CLYBL: variants seen among roughly 807,000 people sequenced by gnomAD.
The protein encoded by CLYBL is citramalyl-CoA lyase, mitochondrial.
A neutral mutation model predicts 38.9 loss-of-function variants in CLYBL; 31 were observed. The observed-to-expected ratio is 0.80, with a 90% CI of 0.60 to 1.08. The LOEUF (loss-of-function observed/expected upper bound fraction) is 1.08. Among genes scored for constraint, CLYBL ranks in the 50% least tolerant of loss-of-function variants. CLYBL has a pLI of 0.00. For missense variants in CLYBL, 434 were observed against 411.6 expected (o/e 1.05, Z -0.47); for synonymous variants, 171 against 158.6 (o/e 1.08, Z -0.59).
chr13:99,860,606 G>A (rs1234021198), intron 3 of CLYBL, among the ~76,000 whole-genome samples: 1 of 152,184 alleles, frequency 6.6e-6, no homozygotes, highest in Non-Finnish European at 1.5e-5. Context: ...ATTTATCACC[G>A]TTATTACCTT....
chr13:99,803,076 G>A (rs957582181), intron 2 of CLYBL, among the ~76,000 whole-genome samples: 29 of 152,124 alleles, frequency 1.9e-4, no homozygotes, highest in African/African-American at 7.0e-4. Flanking sequence ...AAGCAAATCG[G>A]TAACTCATCC....
At chr13:99,898,651 C>T (rs2052609242), downstream of CLYBL, among the ~76,000 whole-genome samples, 1 of 152,194 alleles carries the variant, frequency 6.6e-6, no homozygotes, top group South Asian at 2.1e-4. Context: ...TGGCCACTGT[C>T]CACACTGATC....
In CLYBL at chr13:99,864,799, C is replaced by T. The variant is rs749506057; in HGVS notation, c.541-19C>T. The T allele has an allele frequency of 6.3e-7, 1 of 1,578,470 alleles. No individual in the cohort carries two copies. The highest frequency in any genetic ancestry group is 8.7e-7 in the Non-Finnish European group (1 of 1,147,892). ...GCACGCGTTTCCGTGAGACTTAGTT[C>T]TGTTCTGCTCTTTTACAGGCAGTGT... On this transcript the variant is annotated intron_variant, in intron 4 of 8. Coordinates refer to ENST00000339105, the MANE Select transcript of CLYBL (RefSeq NM_206808.5).
intron 2 of CLYBL, among the ~76,000 whole-genome samples, chr13:99,807,659 G>T (rs547059327): frequency 5.7e-4 from 87 of 152,088 alleles, no homozygotes; most frequent in Admixed American, 6.6e-4. Flanking sequence ...CAGGGGCCGG[G>T]GGGGAAGGAG....
At chr13:99,658,634 A>G (rs938151894) in intron 1 of CLYBL, among the ~76,000 whole-genome samples, 4 of 152,180 alleles carry the variant, frequency 2.6e-5, no homozygotes, top group Admixed American at 2.0e-4. Context: ...GTGGACAGGA[A>G]CAAGGAGGTG....
intron 1 of CLYBL, among the ~76,000 whole-genome samples, chr13:99,614,226 A>G (rs2046672766): frequency 6.6e-6 from 1 of 152,196 alleles, no homozygotes; most frequent in African/African-American, 2.4e-5. Context: ...CACAGGTTCA[A>G]GAACTGGAGC....
At chr13:99,667,433 CTTTTTTTTTTTTT>C (rs369360327) in intron 1 of CLYBL, among the ~76,000 whole-genome samples, 3 of 127,818 alleles carry the variant, frequency 2.3e-5, no homozygotes. Flanking sequence ...AAGAATCTTG[CTTTTTTTTTTTTT>C]TTTTTTTTTT....
chr13:99,712,454 C>T (rs1388798688), intron 1 of CLYBL, among the ~76,000 whole-genome samples: 1 of 151,760 alleles, frequency 6.6e-6, no homozygotes, highest in Non-Finnish European at 1.5e-5. Flanking sequence ...CCCGCCTCAG[C>T]CTCCCAAGTA....
intron 1 of CLYBL, among the ~76,000 whole-genome samples, chr13:99,761,939 A>G (rs1222766711): frequency 6.6e-6 from 1 of 152,036 alleles, no homozygotes; most frequent in Non-Finnish European, 1.5e-5. Context: ...CCATTTTTTC[A>G]TATACTTGGC....
chr13:99,796,464 G>A (rs2050024307), intron 2 of CLYBL, among the ~76,000 whole-genome samples: 1 of 152,150 alleles, frequency 6.6e-6, no homozygotes. Context: ...CTTCCTGTGT[G>A]CTAGCACTAT....
intron 1 of CLYBL, among the ~76,000 whole-genome samples, chr13:99,696,528 T>G (rs2047982009): frequency 6.6e-6 from 1 of 152,096 alleles, no homozygotes; most frequent in Non-Finnish European, 1.5e-5. Flanking sequence ...TAACAAAGAT[T>G]GTTAGTAAAA....
At chr13:99,637,710 A>T (rs2139256377) in intron 1 of CLYBL, among the ~76,000 whole-genome samples, 1 of 152,318 alleles carries the variant, frequency 6.6e-6, no homozygotes, top group East Asian at 1.9e-4. Context: ...GTGAGCTGAG[A>T]TCGCGCCACT....
chr13:99,897,428 G>C (rs1235188857), downstream of CLYBL, among the ~76,000 whole-genome samples: 1 of 152,126 alleles, frequency 6.6e-6, no homozygotes, highest in African/African-American at 2.4e-5. Flanking sequence ...GCTCTTGTTC[G>C]AGAACAAACC....
intron 2 of CLYBL, among the ~76,000 whole-genome samples, chr13:99,809,896 C>A (rs947606017): frequency 6.6e-6 from 1 of 152,194 alleles, no homozygotes; most frequent in African/African-American, 2.4e-5. Flanking sequence ...ATGAAGCCAC[C>A]AAGCAGACTT....
chr13:99,688,671 G>A (rs189227866), intron 1 of CLYBL, among the ~76,000 whole-genome samples: 1 of 151,552 alleles, frequency 6.6e-6, no homozygotes, highest in African/African-American at 2.4e-5. Flanking sequence ...TGAGAGGGTG[G>A]TGACATGAAG....
Position 99,774,397 on chromosome 13 carries a change from A to G in CLYBL, c.249+1387A>G, listed in dbSNP as rs145728484. 2.6e-5 allele frequency among the ~76,000 whole-genome samples: 4 copies of G among 152,314 alleles called. No individual in the cohort carries two copies. The East Asian group carries it at 7.7e-4, about 29-fold the overall frequency. The stretch of plus-strand genomic sequence containing the variant: ...TTCAATGATTAGTTGAGATATATAA[A>G]TCATTATAACAATAACTTACATTTG... On this transcript the variant is annotated intron_variant, in intron 2 of 8. Coordinates refer to ENST00000339105, the MANE Select transcript of CLYBL (RefSeq NM_206808.5).
Position 99,643,664 on chromosome 13 carries a change from C to T in CLYBL, c.62+36907C>T, listed in dbSNP as rs556036390. On this transcript the variant is annotated intron_variant, in intron 1 of 8. Transcript: ENST00000339105. ...GTGTTTTATGTTGTGGGTCCAAACC[C>T]ATGAGTCATCTGGGAAGTTAATTTA... Among the ~76,000 whole-genome samples, 9 of 152,244 alleles carry T rather than the reference C, an allele frequency of 5.9e-5. 1 individual carries two copies. Among genetic ancestry groups the T allele is most frequent in the South Asian group, 4.1e-4 (2 of 4,820 alleles).
chr13:99,645,324 G>A (rs942760623), intron 1 of CLYBL, among the ~76,000 whole-genome samples: 3 of 151,904 alleles, frequency 2.0e-5, no homozygotes, highest in African/African-American at 2.4e-5. Flanking sequence ...GTGAAACCCC[G>A]TCTCTACTAA....
rs2051729710 is a variant in CLYBL at position 99,865,876 on chromosome 13, T to A, written c.635-364T>A. ...ACGAACCATTGCCCTGCATAGCTGC[T>A]GGGCCACCCTTTGTGGTGCTGTCTT... On this transcript the variant is annotated intron_variant, in intron 5 of 8. Transcript: ENST00000339105. This position sits in a 1 kb window ranked among gnomAD's most constrained non-coding sequence, Gnocchi z 4.7. Among the ~76,000 whole-genome samples, 1 of 152,210 alleles carries A rather than the reference T, an allele frequency of 6.6e-6. No homozygotes were observed. Among genetic ancestry groups the A allele is most frequent in the Non-Finnish European group, 1.5e-5 (1 of 68,030 alleles).
Sources: allele counts gnomAD v4.1 joint callset (sites outside exome capture counted in the v4.1 genomes callset), GRCh38; gene constraint gnomAD v4.1.1; non-coding constraint Gnocchi (gnomAD v3.1); transcripts MANE v1.5; gene names NCBI Gene and HGNC (gene_info 2026-07-23, HGNC 2026-07-21).